Variants in CNTNAP2 observed in about 807,000 individuals in gnomAD.
CNTNAP2 encodes the protein contactin-associated protein-like 2.
CNTNAP2 carries 98 observed loss-of-function variants against 155.2 expected under a neutral mutation model. The ratio of observed to expected loss-of-function variants is 0.63; its 90% confidence interval spans 0.54 to 0.75. The LOEUF is 0.75. CNTNAP2 is among the 30% of genes least tolerant of loss of function. The probability of loss-of-function intolerance (pLI) is 0.00; values close to 1 mark genes in which losing one functional copy is unlikely to be tolerated. For missense variants in CNTNAP2, 1,727 were observed against 1,688.1 expected, an observed-to-expected ratio of 1.02 and a Z score of -0.40; for synonymous variants, 651 against 631.2, an observed-to-expected ratio of 1.03 and a Z score of -0.47.
intron 8 of CNTNAP2, among the ~76,000 whole-genome samples, chr7:147,234,805 G>C (rs1421809016): frequency 6.6e-6 from 1 of 152,038 alleles, no homozygotes; most frequent in Non-Finnish European, 1.5e-5. Context: ...TCTTCATTTG[G>C]GTTTCTCTCA....
In CNTNAP2 at chr7:147,615,119, C is replaced by T. The variant is rs1243766544; in HGVS notation, c.1898-23987C>T. Among the ~76,000 whole-genome samples, 7 of 145,126 alleles carry T rather than the reference C, an allele frequency of 4.8e-5. No homozygotes were observed. In the East Asian group the frequency reaches 8.2e-4, roughly 17 times the overall value. On this transcript the variant is annotated intron_variant, in intron 12 of 23. Transcript: ENST00000361727. The stretch of plus-strand genomic sequence containing the variant: ...AAAAAAAAAAAAGAAAAGAAAAAAG[C>T]CTGATTTAGTAGTGCACACCTGCAG...
At chr7:147,642,013 T>TGTGC (rs1795287924) in intron 13 of CNTNAP2, among the ~76,000 whole-genome samples, 1 of 148,466 alleles carries the variant, frequency 6.7e-6, no homozygotes, top group African/African-American at 2.5e-5. Flanking sequence ...TGTGTGTGCG[T>TGTGC]GTGTGTGTGT....
chr7:148,206,813 G>A (rs762317516), intron 18 of CNTNAP2, among the ~76,000 whole-genome samples: 8 of 152,296 alleles, frequency 5.3e-5, no homozygotes, highest in South Asian at 2.1e-4. Context: ...CTTGGTGCCT[G>A]CTGTTTCCAG....
At chr7:146,533,215 T>C (rs898929652) in intron 1 of CNTNAP2, among the ~76,000 whole-genome samples, 3 of 150,926 alleles carry the variant, frequency 2.0e-5, no homozygotes, top group Non-Finnish European at 4.4e-5. Context: ...AATGACCAAG[T>C]GAACACCTAG....
In CNTNAP2 at chr7:148,322,391, C is replaced by T. The variant is rs188914847; in HGVS notation, c.3475+55265C>T. Among the ~76,000 whole-genome samples, 304 of 152,224 alleles carry T rather than the reference C, an allele frequency of 2.0e-3. 3 individuals carry two copies. The highest frequency in any genetic ancestry group is 5.8e-3 in the African/African-American group (240 of 41,530). ...AAACAAGTGTAATAAGAAATATTCC[C>T]GCTAGAGCATGGCAGCCATAAGCTA... On this transcript the variant is annotated intron_variant, in intron 21 of 23. Coordinates refer to ENST00000361727, the MANE Select transcript of CNTNAP2 (RefSeq NM_014141.6).
chr7:146,409,395 T>C (rs1307850847), intron 1 of CNTNAP2, among the ~76,000 whole-genome samples: 1 of 152,128 alleles, frequency 6.6e-6, no homozygotes, highest in African/African-American at 2.4e-5. Flanking sequence ...ATTAAGTAAT[T>C]TTTTAGTTTT....
chr7:146,703,919 T>C (rs1800919792), intron 1 of CNTNAP2, among the ~76,000 whole-genome samples: 1 of 152,112 alleles, frequency 6.6e-6, no homozygotes, highest in Non-Finnish European at 1.5e-5. Context: ...AAGTCTTCTT[T>C]ATTTTAATTT....
intron 21 of CNTNAP2, among the ~76,000 whole-genome samples, chr7:148,306,692 C>T (rs892564741): frequency 8.6e-5 from 13 of 152,002 alleles, no homozygotes; most frequent in African/African-American, 2.9e-4. Flanking sequence ...GTATTAATGA[C>T]GGTTTTCTCC....
chr7:147,056,584 G>C (rs1799565522), intron 4 of CNTNAP2, among the ~76,000 whole-genome samples: 2 of 152,196 alleles, frequency 1.3e-5, no homozygotes, highest in Admixed American at 6.5e-5. Context: ...TATTACAGGT[G>C]TGGGTGTGTT....
chr7:146,255,246 T>C (rs1799819854), intron 1 of CNTNAP2, among the ~76,000 whole-genome samples: 1 of 152,320 alleles, frequency 6.6e-6, no homozygotes, highest in African/African-American at 2.4e-5. Context: ...CAAGCTACAT[T>C]TCTCTGAGTA....
At chr7:148,027,241 A>G (rs1248860235) in intron 15 of CNTNAP2, among the ~76,000 whole-genome samples, 1 of 152,248 alleles carries the variant, frequency 6.6e-6, no homozygotes, top group African/African-American at 2.4e-5. Flanking sequence ...AGGCCTATTC[A>G]GATTAATATC....
chr7:146,680,582 C>T (rs1184764043), intron 1 of CNTNAP2, among the ~76,000 whole-genome samples: 1 of 152,132 alleles, frequency 6.6e-6, no homozygotes, highest in African/African-American at 2.4e-5. Context: ...CTCAATTATC[C>T]TTAGTTCATT....
chr7:147,244,935 C>G (rs908869614), intron 8 of CNTNAP2, among the ~76,000 whole-genome samples: 1 of 152,070 alleles, frequency 6.6e-6, no homozygotes, highest in African/African-American at 2.4e-5. Flanking sequence ...AAAATTTACT[C>G]TAGAAAGTAA....
intron 12 of CNTNAP2, among the ~76,000 whole-genome samples, chr7:147,622,143 A>G (rs890023153): frequency 6.6e-6 from 1 of 151,978 alleles, no homozygotes; most frequent in African/African-American, 2.4e-5. Flanking sequence ...TAAAGCAAAT[A>G]TTATTAGAGC....
intron 13 of CNTNAP2, among the ~76,000 whole-genome samples, chr7:147,655,714 G>A (rs955201684): frequency 1.3e-5 from 2 of 152,216 alleles, no homozygotes; most frequent in African/African-American, 4.8e-5. Flanking sequence ...CACAGGCAGT[G>A]TAGAGTTAAC....
At chr7:147,535,851 G>A (rs1799529157) in intron 11 of CNTNAP2, among the ~76,000 whole-genome samples, 1 of 152,298 alleles carries the variant, frequency 6.6e-6, no homozygotes, top group East Asian at 1.9e-4. Context: ...CTGCAGCAAT[G>A]TACTGGAACA....
At chr7:146,799,125 T>A (rs1441023788) in intron 2 of CNTNAP2, among the ~76,000 whole-genome samples, 1 of 152,246 alleles carries the variant, frequency 6.6e-6, no homozygotes, top group Non-Finnish European at 1.5e-5. Context: ...TTATTAGAAC[T>A]TACCTCTCCT....
chr7:147,884,086 A>G (rs560343741), intron 13 of CNTNAP2, among the ~76,000 whole-genome samples: 1 of 152,308 alleles, frequency 6.6e-6, no homozygotes, highest in African/African-American at 2.4e-5. Context: ...CATCTAAGGA[A>G]GGAGGATGAA....
At chr7:146,522,504 A>G (rs983828643) in intron 1 of CNTNAP2, among the ~76,000 whole-genome samples, 2 of 152,032 alleles carry the variant, frequency 1.3e-5, no homozygotes, top group Non-Finnish European at 2.9e-5. Flanking sequence ...TGTTCTTTGA[A>G]AGCACTCTTC....
Sources: allele counts gnomAD v4.1 joint callset (sites outside exome capture counted in the v4.1 genomes callset), GRCh38; gene constraint gnomAD v4.1.1; transcripts MANE v1.5; gene names NCBI Gene and HGNC (gene_info 2026-07-23, HGNC 2026-07-21).